TBL1X: variants seen among roughly 807,000 people sequenced by gnomAD.
TBL1X encodes F-box-like/WD repeat-containing protein TBL1X.
In TBL1X, 10 loss-of-function variants were observed where a neutral mutation model predicts 50.7. That is an observed-to-expected ratio of 0.20 (90% CI 0.12 to 0.33). The LOEUF (loss-of-function observed/expected upper bound fraction) is 0.33. TBL1X is among the 10% of genes least tolerant of loss of function. The pLI is 1.00. For missense variants in TBL1X, 340 were observed against 504.4 expected, an observed-to-expected ratio of 0.67 and a Z score of 3.12; for synonymous variants, 190 against 214.7, an observed-to-expected ratio of 0.88 and a Z score of 1.01.
rs1445778798 is a variant in TBL1X at position 9,515,473 on chromosome X, G to A, written c.-131+13624G>A. ...GAAATGGCAAACACCCCAGAGTTCT[G>A]TAACTCTGAGTGTGGAAGAGGAGGT... is the stretch of plus-strand genomic sequence containing the variant. On this transcript the variant is annotated intron_variant, in intron 2 of 17. Coordinates refer to ENST00000645353, the MANE Select transcript of TBL1X (RefSeq NM_005647.4). 2.7e-5 allele frequency among the ~76,000 whole-genome samples: 3 copies of A among 112,367 alleles called. No individual in the cohort carries two copies. The Admixed American group carries it at 2.8e-4, about 11-fold the overall frequency.
intron 1 of TBL1X, among the ~76,000 whole-genome samples, chrX:9,480,177 C>T (rs1399407820): frequency 8.9e-6 from 1 of 111,862 alleles, no homozygotes; most frequent in Non-Finnish European, 1.9e-5. Context: ...TGGTCTCGAA[C>T]TCCTGACCTC....
At chrX:9,471,600 GT>G (rs774904702) in intron 1 of TBL1X, among the ~76,000 whole-genome samples, 4 of 112,018 alleles carry the variant, frequency 3.6e-5, no homozygotes, top group Non-Finnish European at 5.6e-5. Flanking sequence ...TGATAAGTTA[GT>G]TGCGCATTTT....
chrX:9,670,167 A>AAGAT lies in TBL1X; in HGVS notation c.212-13873_212-13870dup, dbSNP rs779106089. On this transcript the variant is annotated intron_variant, in intron 5 of 17. Coordinates refer to ENST00000645353, the MANE Select transcript of TBL1X (RefSeq NM_005647.4). ...AGTCAAGATTTGCATCTTCCCCTTG[A>AAGAT]AGATAGCATCACTGTTGTAGAACCT... 7.1e-3 allele frequency among the ~76,000 whole-genome samples: 789 copies of AAGAT among 111,713 alleles called. 11 individuals carry two copies. Among genetic ancestry groups the AAGAT allele is most frequent in the African/African-American group, 0.025 (759 of 30,675 alleles).
At chrX:9,539,833 G>A (rs973433639) in intron 2 of TBL1X, among the ~76,000 whole-genome samples, 1 of 112,058 alleles carries the variant, frequency 8.9e-6, no homozygotes, top group African/African-American at 3.2e-5. Context: ...TTATCAAGTC[G>A]TGGTCAGGGC....
intron 2 of TBL1X, among the ~76,000 whole-genome samples, chrX:9,541,217 A>T (rs1406348742): frequency 9.0e-6 from 1 of 111,458 alleles, no homozygotes; most frequent in Non-Finnish European, 1.9e-5. Flanking sequence ...TGAATTTCTT[A>T]TTCATCAAAT....
At chrX:9,543,081 A>G (rs2082223392) in intron 2 of TBL1X, among the ~76,000 whole-genome samples, 1 of 112,491 alleles carries the variant, frequency 8.9e-6, no homozygotes, top group Non-Finnish European at 1.9e-5. Context: ...CCTCTGGACC[A>G]ACAAGGACAG....
At chrX:9,617,905 G>T in intron 2 of TBL1X, among the ~76,000 whole-genome samples, 1 of 111,683 alleles carries the variant, frequency 9.0e-6, no homozygotes, top group Non-Finnish European at 1.9e-5. Flanking sequence ...TCTGCACTGT[G>T]GTCAGCTGGA....
At chrX:9,535,954 C>G (rs918706469) in intron 2 of TBL1X, among the ~76,000 whole-genome samples, 1 of 111,641 alleles carries the variant, frequency 9.0e-6, no homozygotes, top group Non-Finnish European at 1.9e-5. Flanking sequence ...AATGATTCAC[C>G]CTTTGCCATC....
intron 1 of TBL1X, among the ~76,000 whole-genome samples, chrX:9,492,970 T>C (rs1272269022): frequency 1.9e-5 from 2 of 107,510 alleles, no homozygotes; most frequent in Non-Finnish European, 3.8e-5. Flanking sequence ...GGACAAGCAA[T>C]GCGATTTTGG....
At chrX:9,493,785 CAAA>C (rs1338993079) in intron 1 of TBL1X, among the ~76,000 whole-genome samples, 4 of 109,866 alleles carry the variant, frequency 3.6e-5, no homozygotes, top group East Asian at 2.8e-4. Context: ...CAAAACAAAA[CAAA>C]AAAAACCAAA....
chrX:9,544,024 A>G (rs779889076), intron 2 of TBL1X, among the ~76,000 whole-genome samples: 13 of 111,532 alleles, frequency 1.2e-4, no homozygotes, highest in Non-Finnish European at 2.1e-4. Flanking sequence ...CCCTGCCCCC[A>G]CTTAGATCCT....
intron 2 of TBL1X, among the ~76,000 whole-genome samples, chrX:9,632,343 C>T (rs765337452): frequency 1.3e-4 from 14 of 111,694 alleles, no homozygotes; most frequent in Non-Finnish European, 2.3e-4. Context: ...GCAGTGGCCG[C>T]GATCTTAGCT....
intron 2 of TBL1X, among the ~76,000 whole-genome samples, chrX:9,559,380 G>C (rs1247511106): frequency 9.0e-6 from 1 of 111,232 alleles, no homozygotes; most frequent in Non-Finnish European, 1.9e-5. Flanking sequence ...TGGTGCTGTG[G>C]CTTTTTGGAG....
At chrX:9,555,150 G>A (rs2082290025) in intron 2 of TBL1X, among the ~76,000 whole-genome samples, 2 of 110,927 alleles carry the variant, frequency 1.8e-5, no homozygotes, top group Admixed American at 9.6e-5. Flanking sequence ...ATCATAGCTC[G>A]GTGCAGCCTC....
At chrX:9,694,665 T>C (rs2083120174) in intron 11 of TBL1X, among the ~76,000 whole-genome samples, 1 of 111,692 alleles carries the variant, frequency 9.0e-6, no homozygotes, top group South Asian at 3.7e-4. Context: ...TTCTTTCTAG[T>C]TCTGAAAGTT....
At chrX:9,572,469 CTT>C (rs1207862808) in intron 2 of TBL1X, among the ~76,000 whole-genome samples, 2 of 113,009 alleles carry the variant, frequency 1.8e-5, no homozygotes, top group Non-Finnish European at 3.7e-5. Context: ...TTTGGGGACA[CTT>C]CGCAATCAGC....
chrX:9,482,344 C>T (rs1370935479), intron 1 of TBL1X, among the ~76,000 whole-genome samples: 3 of 111,278 alleles, frequency 2.7e-5, no homozygotes, highest in Non-Finnish European at 3.8e-5. Flanking sequence ...GTTTTTTTTC[C>T]GTGTCTATGG....
At chrX:9,512,647 G>A (rs780024283) in intron 2 of TBL1X, among the ~76,000 whole-genome samples, 16 of 110,473 alleles carry the variant, frequency 1.4e-4, no homozygotes, top group East Asian at 2.9e-4. Flanking sequence ...ACAGGCATGC[G>A]CCACCACGCC....
At chrX:9,506,772 T>C (rs2082028331) in intron 2 of TBL1X, among the ~76,000 whole-genome samples, 1 of 111,809 alleles carries the variant, frequency 8.9e-6, no homozygotes. Flanking sequence ...CAATAAGCTC[T>C]GAAATTGAGG....
Sources: gnomAD v4.1 joint callset for allele counts (sites outside exome capture counted in the v4.1 genomes callset) on GRCh38, gnomAD v4.1.1 for gene constraint, MANE v1.5 for transcripts, NCBI Gene and HGNC (gene_info 2026-07-23, HGNC 2026-07-21) for gene names.